Variants in ZPLD1 observed in about 807,000 individuals in gnomAD.
ZPLD1 encodes zona pellucida-like domain-containing protein 1.
A neutral mutation model predicts 47.2 loss-of-function variants in ZPLD1; 34 were observed. The ratio of observed to expected loss-of-function variants is 0.72; its 90% CI spans 0.55 to 0.96. The LOEUF (loss-of-function observed/expected upper bound fraction) is 0.96. ZPLD1 is among the 40% of genes least tolerant of loss of function. The pLI is 0.00. For synonymous variants in ZPLD1, 176 were observed against 186.2 expected (o/e 0.95, Z 0.45); for missense variants, 512 against 505.8 (o/e 1.01, Z -0.12).
chr3:102,455,673 G>C (rs533659818), intron 4 of ZPLD1, among the ~76,000 whole-genome samples: 1 of 152,216 alleles, frequency 6.6e-6, no homozygotes, highest in Admixed American at 6.5e-5. Context: ...TGCCCAGCGA[G>C]CAGGCTGCTC....
In ZPLD1 at chr3:102,479,653, A is replaced by G. The variant is rs1348290917; in HGVS notation, c.*2035A>G. 1 of 152,182 alleles carries G rather than the reference A, an allele frequency of 6.6e-6. No individual in the cohort carries two copies. Among genetic ancestry groups the G allele is most frequent in the Non-Finnish European group, 1.5e-5 (1 of 68,022 alleles). The allele number at this position is 152,182 out of a possible 1,614,324, so 9.4% of individuals were successfully genotyped here. A position where few individuals can be genotyped will look rare whatever the true frequency, so the allele number is the denominator to read the frequency against. ...GTCTGTTTTTTACAACTTTGTTCTT[A>G]TAAATCTGCAGTTATATGGAGTATT... is the stretch of plus-strand genomic sequence containing the variant. On this transcript the variant is annotated 3_prime_UTR_variant, in exon 12 of 12. Coordinates refer to ENST00000466937, the MANE Select transcript of ZPLD1 (RefSeq NM_001329788.2).
intron 6 of ZPLD1, among the ~76,000 whole-genome samples, chr3:102,458,253 G>A (rs1707450251): frequency 6.6e-6 from 1 of 152,066 alleles, no homozygotes; most frequent in Non-Finnish European, 1.5e-5. Context: ...TTCCCTTGGA[G>A]GCATCCTTGG....
intron 10 of ZPLD1, among the ~76,000 whole-genome samples, chr3:102,474,748 G>T (rs1707733645): frequency 6.6e-6 from 1 of 152,108 alleles, no homozygotes; most frequent in African/African-American, 2.4e-5. Context: ...AATGGCTGTG[G>T]CATTGCTGCT....
At position 102,464,195 on chromosome 3, in the gene ZPLD1, C is replaced by T. The variant is rs1707555539; in HGVS notation, c.705C>T (p.Cys235=). Residue 235 remains cysteine, a synonymous_variant, in exon 8 of 12, where the codon TGC becomes TGT. Coordinates refer to ENST00000466937, the MANE Select transcript of ZPLD1 (RefSeq NM_001329788.2). The part of the protein sequence containing the change: ...DGRWNVLMDY[C]YTTPSGNPND... ...GATGGAATGTTTTAATGGATTATTG[C>T]TATACTACCCCATCAGGAAACCCAA... 6.2e-7 allele frequency: 1 copy of T among 1,612,356 alleles called. No homozygotes were observed. Among genetic ancestry groups the T allele is most frequent in the African/African-American group, 1.3e-5 (1 of 74,852 alleles).
upstream of ZPLD1, among the ~76,000 whole-genome samples, chr3:102,432,505 G>A (rs1191621465): frequency 6.6e-6 from 1 of 152,194 alleles, no homozygotes; most frequent in Non-Finnish European, 1.5e-5. Flanking sequence ...CAACAGATCA[G>A]CCTATATCAA....
chr3:102,463,349 C>T (rs1707539320), intron 7 of ZPLD1, among the ~76,000 whole-genome samples: 1 of 152,198 alleles, frequency 6.6e-6, no homozygotes, highest in South Asian at 2.1e-4. Flanking sequence ...GGTATTATAA[C>T]ATTCTCTGAT....
chr3:102,468,844 C>A, intron 8 of ZPLD1, 120 bp from the exon 9 acceptor site: 1 of 880,080 alleles, frequency 1.1e-6, no homozygotes, highest in Non-Finnish European at 1.7e-6. Flanking sequence ...TGTAACGTGG[C>A]ATGGTTCTGT....
intron 8 of ZPLD1, 62 bp downstream of exon 8, chr3:102,464,313 T>C (rs1707558117): frequency 8.6e-7 from 1 of 1,161,234 alleles, no homozygotes; most frequent in African/African-American, 1.5e-5. Context: ...ATAATTGAAA[T>C]GGAATATCTA....
intron 3 of ZPLD1, among the ~76,000 whole-genome samples, chr3:102,451,132 TC>T (rs1251769934): frequency 2.0e-5 from 3 of 152,160 alleles, no homozygotes; most frequent in Non-Finnish European, 2.9e-5. Flanking sequence ...CATAGACATT[TC>T]CATATTGCTT....
At chr3:102,447,743 T>G (rs1314089223) in intron 3 of ZPLD1, among the ~76,000 whole-genome samples, 3 of 152,180 alleles carry the variant, frequency 2.0e-5, no homozygotes, top group Non-Finnish European at 4.4e-5. Context: ...TATAAAATTG[T>G]TAAAACAAGA....
intron 7 of ZPLD1, among the ~76,000 whole-genome samples, chr3:102,401,111 A>C (rs1386903383): frequency 6.6e-6 from 1 of 152,082 alleles, no homozygotes; most frequent in Admixed American, 6.6e-5. Flanking sequence ...CTGAAGGAAA[A>C]AAGCATCAAA....
chr3:102,399,869 A>C (rs1706599753), intron 7 of ZPLD1, among the ~76,000 whole-genome samples: 1 of 152,042 alleles, frequency 6.6e-6, no homozygotes, highest in Non-Finnish European at 1.5e-5. Flanking sequence ...CCCAGGCTGG[A>C]ATGCAGTGGT....
chr3:102,442,721 A>G (rs1435241403), intron 3 of ZPLD1, among the ~76,000 whole-genome samples: 1 of 148,974 alleles, frequency 6.7e-6, no homozygotes, highest in East Asian at 1.9e-4. Flanking sequence ...AATAATGATG[A>G]GAGCAATCAT....
intron 8 of ZPLD1, among the ~76,000 whole-genome samples, chr3:102,429,545 G>T (rs1430071201): frequency 6.6e-6 from 1 of 152,054 alleles, no homozygotes; most frequent in Non-Finnish European, 1.5e-5. Flanking sequence ...CTGGATTGGG[G>T]GGGAAAGTTA....
upstream of ZPLD1, among the ~76,000 whole-genome samples, chr3:102,431,825 C>T (rs991010168): frequency 1.3e-5 from 2 of 152,222 alleles, no homozygotes; most frequent in Admixed American, 6.5e-5. Flanking sequence ...AGGAGAATCA[C>T]TTGAACTCAA....
chr3:102,430,209 CT>C (rs1707001228), upstream of ZPLD1, among the ~76,000 whole-genome samples: 2 of 152,182 alleles, frequency 1.3e-5, no homozygotes, highest in African/African-American at 4.8e-5. Flanking sequence ...ATTTGAGGAT[CT>C]GTGGTCATGC....
intron 8 of ZPLD1, among the ~76,000 whole-genome samples, chr3:102,420,407 C>A: frequency 6.6e-6 from 1 of 151,886 alleles, no homozygotes. Context: ...GCAAACTTTT[C>A]CGTAAAGGGC....
At chr3:102,441,054 G>T (rs1243247161) in intron 3 of ZPLD1, among the ~76,000 whole-genome samples, 1 of 152,158 alleles carries the variant, frequency 6.6e-6, no homozygotes, top group Middle Eastern at 3.2e-3. Context: ...CAGTCCCTCA[G>T]TGTAGTGGGA....
intron 5 of ZPLD1, among the ~76,000 whole-genome samples, 166 bp downstream of exon 5, chr3:102,456,540 CTATTA>C (rs1249567416): frequency 7.6e-6 from 1 of 132,196 alleles, no homozygotes; most frequent in Admixed American, 7.8e-5. Context: ...ATCTGTTTAT[CTATTA>C]TATCTATCTA....
Sources: gnomAD v4.1 joint callset for allele counts (sites outside exome capture counted in the v4.1 genomes callset) on GRCh38, gnomAD v4.1.1 for gene constraint, MANE v1.5 for transcripts, NCBI Gene and HGNC (gene_info 2026-07-23, HGNC 2026-07-21) for gene names.